GLIS1: variants seen among roughly 807,000 people sequenced by gnomAD.
The protein encoded by GLIS1 is GLIS family zinc finger 1.
In GLIS1, 24 loss-of-function variants were observed where a neutral mutation model predicts 63.8. The observed-to-expected ratio is 0.38, with a 90% confidence interval of 0.27 to 0.53. GLIS1 has a LOEUF of 0.53. GLIS1 is among the 20% of genes least tolerant of loss of function. The probability of loss-of-function intolerance (pLI) is 0.85; values close to 1 mark genes in which losing one functional copy is unlikely to be tolerated. For missense variants in GLIS1, 1,036 were observed against 1,074.1 expected (o/e 0.96, Z 0.50); for synonymous variants, 450 against 482.5 (o/e 0.93, Z 0.88).
At chr1:53,604,955 T>C (rs1285212727) in intron 2 of GLIS1, among the ~76,000 whole-genome samples, 6 of 149,846 alleles carry the variant, frequency 4.0e-5, no homozygotes, top group African/African-American at 1.5e-4. Context: ...TATATATATA[T>C]ACACACACAC....
At chr1:53,544,327 G>A (rs903452580) in intron 4 of GLIS1, among the ~76,000 whole-genome samples, 10 of 152,176 alleles carry the variant, frequency 6.6e-5, no homozygotes, top group African/African-American at 2.4e-4. Flanking sequence ...GCTGGAGATG[G>A]GAGAAGGGGA....
chr1:53,720,031 C>T (rs1646737965), intron 2 of GLIS1, among the ~76,000 whole-genome samples: 1 of 152,158 alleles, frequency 6.6e-6, no homozygotes, highest in African/African-American at 2.4e-5. Context: ...CAAAAATTAG[C>T]TGGGCATGGT....
At chr1:53,613,656 T>TC (rs1645449289) in intron 2 of GLIS1, among the ~76,000 whole-genome samples, 1 of 151,580 alleles carries the variant, frequency 6.6e-6, no homozygotes, top group Non-Finnish European at 1.5e-5. Context: ...TTTGGTGGTT[T>TC]TTTTTTCAGT....
chr1:53,663,183 GC>G (rs1228698753), intron 2 of GLIS1, among the ~76,000 whole-genome samples: 1 of 152,182 alleles, frequency 6.6e-6, no homozygotes, highest in African/African-American at 2.4e-5. Flanking sequence ...TGTGGCCCCA[GC>G]CCCATCTGCA....
At chr1:53,694,949 A>C (rs990211673) in intron 2 of GLIS1, among the ~76,000 whole-genome samples, 1 of 152,140 alleles carries the variant, frequency 6.6e-6, no homozygotes, top group Non-Finnish European at 1.5e-5. Flanking sequence ...CCAATCTCTA[A>C]ATATACGTAA....
chr1:53,639,838 G>A lies in GLIS1; in HGVS notation c.260-39560C>T, dbSNP rs914884260. On this transcript the variant is annotated intron_variant, in intron 2 of 10. Coordinates refer to ENST00000628545, the MANE Select transcript of GLIS1 (RefSeq NM_001367484.1). The surrounding 1 kb of genome is among the most constrained non-coding windows in gnomAD (Gnocchi z 4.6). The stretch of plus-strand genomic sequence containing the variant: ...TGCCCCGAGGTTCTGCTTTGCCACT[G>A]AGGAAAGTAGGCAAATGTGGATGTT... Among the ~76,000 whole-genome samples, 3 of 152,162 alleles carry A rather than the reference G, an allele frequency of 2.0e-5. No homozygotes were observed. Among genetic ancestry groups the A allele is most frequent in the Non-Finnish European group, 2.9e-5 (2 of 68,032 alleles).
At chr1:53,674,636 C>T (rs1646192556) in intron 2 of GLIS1, among the ~76,000 whole-genome samples, 1 of 152,144 alleles carries the variant, frequency 6.6e-6, no homozygotes, top group Non-Finnish European at 1.5e-5. Flanking sequence ...GAAGAGCAGA[C>T]ACAGCCCAGT....
At chr1:53,674,439 T>C (rs932475014) in intron 2 of GLIS1, among the ~76,000 whole-genome samples, 1 of 152,214 alleles carries the variant, frequency 6.6e-6, no homozygotes, top group Non-Finnish European at 1.5e-5. Context: ...TAAGAAACAC[T>C]GTTTTTAAAA....
At chr1:53,579,737 A>C (rs1473785899) in intron 4 of GLIS1, among the ~76,000 whole-genome samples, 2 of 152,182 alleles carry the variant, frequency 1.3e-5, no homozygotes, top group African/African-American at 4.8e-5. Flanking sequence ...GAGCTGGCCC[A>C]GGAAAACATC....
chr1:53,697,452 C>T (rs555443539), intron 2 of GLIS1, among the ~76,000 whole-genome samples: 5 of 152,324 alleles, frequency 3.3e-5, no homozygotes, highest in African/African-American at 1.2e-4. Context: ...GTGCCACCCC[C>T]CCAAGTCCCA....
intron 2 of GLIS1, among the ~76,000 whole-genome samples, chr1:53,728,308 T>C (rs1312814642): frequency 6.6e-6 from 1 of 152,198 alleles, no homozygotes; most frequent in African/African-American, 2.4e-5. Flanking sequence ...TGTTTACCAT[T>C]TACATGGTAG....
In GLIS1 at chr1:53,739,094, C is replaced by T. The variant is rs1646941915; in HGVS notation, c.-43+11G>A. Among the ~76,000 whole-genome samples the T allele has an allele frequency of 6.6e-6, 1 of 151,768 alleles. No individual in the cohort carries two copies. The highest frequency in any genetic ancestry group is 2.4e-5 in the African/African-American group (1 of 41,378). On this transcript the variant is annotated intron_variant, in intron 1 of 10. Transcript: ENST00000628545. ...GCCCCTCCCTCGGCCGCGGGCCGCGCCCCCTCTCACCTCGCAGCGGCAGCT... is the reference window on the plus strand; with the variant it reads ...GCCCCTCCCTCGGCCGCGGGCCGCGTCCCCTCTCACCTCGCAGCGGCAGCT...
At chr1:53,628,432 C>T (rs1645618596) in intron 2 of GLIS1, among the ~76,000 whole-genome samples, 1 of 152,142 alleles carries the variant, frequency 6.6e-6, no homozygotes, top group Non-Finnish European at 1.5e-5. Flanking sequence ...ACTGTACTGG[C>T]TCACTCGACA....
At chr1:53,541,891 G>A (rs1168581253) in intron 4 of GLIS1, among the ~76,000 whole-genome samples, 1 of 152,258 alleles carries the variant, frequency 6.6e-6, no homozygotes, top group Non-Finnish European at 1.5e-5. Flanking sequence ...AGCTGGGGGA[G>A]TTTGGTGAGG....
intron 4 of GLIS1, among the ~76,000 whole-genome samples, chr1:53,551,761 G>A (rs1434335391): frequency 6.6e-6 from 1 of 152,000 alleles, no homozygotes; most frequent in African/African-American, 2.4e-5. Flanking sequence ...CCTGTGTCAG[G>A]GCTCAAACCC....
intron 2 of GLIS1, among the ~76,000 whole-genome samples, chr1:53,651,944 G>C (rs1038518903): frequency 3.3e-5 from 5 of 151,914 alleles, no homozygotes; most frequent in Non-Finnish European, 7.4e-5. Flanking sequence ...AGTATTGAGG[G>C]GTGGAAGGCA....
chr1:53,559,339 C>T (rs1053530865), intron 4 of GLIS1, among the ~76,000 whole-genome samples: 6 of 152,168 alleles, frequency 3.9e-5, no homozygotes, highest in African/African-American at 1.4e-4. Context: ...TACAATCCCA[C>T]TGGGCCACTC....
chr1:53,597,121 G>T (rs1041018816), intron 3 of GLIS1, among the ~76,000 whole-genome samples: 1 of 146,316 alleles, frequency 6.8e-6, no homozygotes, highest in Non-Finnish European at 1.5e-5. Context: ...GGCAGTTGGG[G>T]GTTGAGAGCA....
intron 2 of GLIS1, among the ~76,000 whole-genome samples, chr1:53,633,604 A>C (rs1223727097): frequency 2.0e-5 from 3 of 151,934 alleles, no homozygotes; most frequent in Admixed American, 2.0e-4. Flanking sequence ...TGTCTGGAAG[A>C]AATTAGGACT....
Sources: allele counts gnomAD v4.1 joint callset (sites outside exome capture counted in the v4.1 genomes callset), GRCh38; gene constraint gnomAD v4.1.1; non-coding constraint Gnocchi (gnomAD v3.1); transcripts MANE v1.5; gene names NCBI Gene and HGNC (gene_info 2026-07-23, HGNC 2026-07-21).